NEGR1: variants seen among roughly 807,000 people sequenced by gnomAD.
NEGR1 encodes neuronal growth regulator 1.
Under a neutral mutation model 40.9 loss-of-function variants are expected in NEGR1, and 10 were observed. The observed-to-expected ratio is 0.24, with a 90% confidence interval of 0.15 to 0.42. The LOEUF (loss-of-function observed/expected upper bound fraction) is 0.42. Ranked by LOEUF, NEGR1 falls within the 10% of genes least tolerant of loss-of-function variation. NEGR1 has a pLI of 1.00. For synonymous variants in NEGR1, 185 were observed against 166.8 expected (o/e 1.11, Z -0.84); for missense variants, 352 against 438.9 (o/e 0.80, Z 1.77).
chr1:71,609,339 C>G (rs1370255343), intron 5 of NEGR1, among the ~76,000 whole-genome samples: 5 of 150,850 alleles, frequency 3.3e-5, no homozygotes, highest in Admixed American at 2.6e-4. Context: ...CATGGTGAAA[C>G]CCTGTCTCTA....
intron 1 of NEGR1, among the ~76,000 whole-genome samples, chr1:71,953,456 T>C (rs1196088441): frequency 6.6e-6 from 1 of 151,988 alleles, no homozygotes; most frequent in African/African-American, 2.4e-5. Context: ...AGATGGTATC[T>C]ACCCCTGGGG....
chr1:71,804,083 G>A (rs1657663597), intron 2 of NEGR1, among the ~76,000 whole-genome samples: 1 of 152,026 alleles, frequency 6.6e-6, no homozygotes, highest in African/African-American at 2.4e-5. Context: ...AATCAAGGTT[G>A]ATAACAGGGA....
intron 2 of NEGR1, among the ~76,000 whole-genome samples, chr1:71,815,804 A>C (rs1332627751): frequency 1.3e-5 from 2 of 152,028 alleles, no homozygotes; most frequent in African/African-American, 2.4e-5. Context: ...AAAATCCATC[A>C]CGAACATCCT....
intron 4 of NEGR1, among the ~76,000 whole-genome samples, chr1:71,658,289 A>T (rs923497169): frequency 1.3e-5 from 2 of 152,214 alleles, no homozygotes. Context: ...TTAGGGAAAA[A>T]TTGATGTATG....
At chr1:72,099,940 T>G (rs546527981) in intron 1 of NEGR1, among the ~76,000 whole-genome samples, 1 of 151,958 alleles carries the variant, frequency 6.6e-6, no homozygotes, top group Non-Finnish European at 1.5e-5. Context: ...GAATCCAATC[T>G]TAAGTGGCAA....
intron 2 of NEGR1, among the ~76,000 whole-genome samples, chr1:71,777,428 C>T (rs1038973974): frequency 6.6e-6 from 1 of 152,008 alleles, no homozygotes; most frequent in Non-Finnish European, 1.5e-5. Context: ...TGCTCTTTTC[C>T]TATGCCTTAA....
At chr1:71,566,892 G>T (rs1648638699) in intron 6 of NEGR1, among the ~76,000 whole-genome samples, 1 of 152,102 alleles carries the variant, frequency 6.6e-6, no homozygotes, top group African/African-American at 2.4e-5. Context: ...CCTTCTGGCT[G>T]TGTCCTTACA....
At chr1:71,898,971 A>ATG (rs1374420453) in intron 2 of NEGR1, among the ~76,000 whole-genome samples, 1 of 51,168 alleles carries the variant, frequency 2.0e-5, no homozygotes, top group Non-Finnish European at 3.7e-5. Flanking sequence ...TAGCATATAT[A>ATG]TATATATAGC....
At chr1:71,582,547 TAGTACAC>T (rs1649173869) in intron 6 of NEGR1, among the ~76,000 whole-genome samples, 1 of 152,212 alleles carries the variant, frequency 6.6e-6, no homozygotes, top group South Asian at 2.1e-4. Context: ...CTCTAAATTT[TAGTACAC>T]ATATGGAAGG....
intron 6 of NEGR1, among the ~76,000 whole-genome samples, chr1:71,570,023 T>C (rs1648760397): frequency 1.3e-5 from 2 of 152,196 alleles, no homozygotes; most frequent in South Asian, 2.1e-4. Context: ...CTGTCATCTA[T>C]GTACTTAATT....
At chr1:71,587,726 T>C (rs910398175) in intron 6 of NEGR1, among the ~76,000 whole-genome samples, 12 of 151,984 alleles carry the variant, frequency 7.9e-5, no homozygotes, top group African/African-American at 2.4e-4. Flanking sequence ...TTGTAGAACC[T>C]ATACTACAGT....
intron 1 of NEGR1, among the ~76,000 whole-genome samples, chr1:72,168,002 ATTAT>A (rs1235516791): frequency 1.0e-3 from 12 of 12,012 alleles, no homozygotes; most frequent in Non-Finnish European, 1.8e-3. Context: ...TATTATTATT[ATTAT>A]TTTTTTTTTT....
chr1:71,863,270 G>A (rs574331170), intron 2 of NEGR1, among the ~76,000 whole-genome samples: 14 of 152,220 alleles, frequency 9.2e-5, no homozygotes, highest in African/African-American at 2.6e-4. Context: ...ATGCAGCCAC[G>A]TAAAGGAACA....
intron 2 of NEGR1, among the ~76,000 whole-genome samples, chr1:71,926,597 A>C (rs1645776034): frequency 6.6e-6 from 1 of 152,032 alleles, no homozygotes; most frequent in Admixed American, 6.6e-5. Flanking sequence ...ATAGGAAAAA[A>C]AAAAAGAGAT....
chr1:72,162,531 C>T, intron 1 of NEGR1, among the ~76,000 whole-genome samples: 1 of 151,930 alleles, frequency 6.6e-6, no homozygotes, highest in Non-Finnish European at 1.5e-5. Context: ...TACACCATTG[C>T]CCTAAGTTCA....
intron 3 of NEGR1, among the ~76,000 whole-genome samples, chr1:71,715,196 G>A (rs984354988): frequency 5.9e-5 from 9 of 152,140 alleles, no homozygotes; most frequent in Non-Finnish European, 1.2e-4. Context: ...CCTTTCAGTC[G>A]TGGCTGGGAT....
intron 4 of NEGR1, among the ~76,000 whole-genome samples, chr1:71,637,642 G>T (rs1433565797): frequency 6.6e-6 from 1 of 151,912 alleles, no homozygotes; most frequent in Non-Finnish European, 1.5e-5. Context: ...CAGTCGCATT[G>T]ATGTCACCAT....
intron 1 of NEGR1, among the ~76,000 whole-genome samples, chr1:72,278,595 G>C (rs977119714): frequency 3.3e-5 from 5 of 151,998 alleles, no homozygotes; most frequent in African/African-American, 1.2e-4. Flanking sequence ...TTCTAGAGCA[G>C]AGTTATATTC....
intron 1 of NEGR1, among the ~76,000 whole-genome samples, chr1:72,146,425 G>T (rs1650911434): frequency 6.6e-6 from 1 of 152,140 alleles, no homozygotes; most frequent in Non-Finnish European, 1.5e-5. Context: ...GTAAGAAAAT[G>T]ATTTCTTCTC....
Sources: allele counts gnomAD v4.1 joint callset (sites outside exome capture counted in the v4.1 genomes callset), GRCh38; gene constraint gnomAD v4.1.1; transcripts MANE v1.5; gene names NCBI Gene and HGNC (gene_info 2026-07-23, HGNC 2026-07-21).